Variants in WNT3A observed in about 807,000 individuals in gnomAD.
WNT3A encodes protein Wnt-3a.
In WNT3A, 17 loss-of-function variants were observed where a neutral mutation model predicts 37.0. The observed-to-expected ratio is 0.46, with a 90% confidence interval of 0.31 to 0.69. The LOEUF is 0.69. WNT3A is among the 30% of genes least tolerant of loss of function. WNT3A has a pLI of 0.05. For synonymous variants in WNT3A, 187 were observed against 211.0 expected (o/e 0.89, Z 0.99); for missense variants, 411 against 510.2 (o/e 0.81, Z 1.87).
chr1:228,050,787 G>A lies in WNT3A; in HGVS notation c.445G>A (p.Gly149Ser). ...SSRHQGSPGK[G>S]WKWGGCSEDI... Reference sequence around the variant, plus strand: ...CCGCCACCAGGGCTCACCAGGCAAGGGCTGGAAGTGGGGTGGCTGTAGCGA... The same window carrying A: ...CCGCCACCAGGGCTCACCAGGCAAGAGCTGGAAGTGGGGTGGCTGTAGCGA... Residue 149 changes from glycine to serine, a missense_variant, in exon 3 of 4, where the codon GGC (glycine) becomes AGC (serine). Gly to Ser is a moderately conservative substitution (Grantham distance 56, BLOSUM62 0). Transcript: ENST00000284523. This position sits in a 1 kb window ranked among gnomAD's most constrained non-coding sequence, Gnocchi z 5.0. 6.2e-7 allele frequency: 1 copy of A among 1,614,126 alleles called. No individual in the cohort carries two copies. The highest frequency in any genetic ancestry group is 1.1e-5 in the South Asian group (1 of 91,070).
At chr1:228,027,190 G>C (rs900099108) in intron 2 of WNT3A, among the ~76,000 whole-genome samples, 1 of 152,224 alleles carries the variant, frequency 6.6e-6, no homozygotes, top group African/African-American at 2.4e-5. Flanking sequence ...TGGGCACTTA[G>C]GCTGGTTCCA....
chr1:228,026,568 T>C (rs2030859071), intron 2 of WNT3A, among the ~76,000 whole-genome samples: 1 of 152,240 alleles, frequency 6.6e-6, no homozygotes, highest in Non-Finnish European at 1.5e-5. Flanking sequence ...ACCTAAATAA[T>C]GTACATTGTA....
At chr1:228,051,542 G>C (rs2031555572) in intron 3 of WNT3A, among the ~76,000 whole-genome samples, 1 of 152,260 alleles carries the variant, frequency 6.6e-6, no homozygotes, top group East Asian at 1.9e-4. Context: ...CAGTTCTGGA[G>C]ACTGGGAAGT....
intron 2 of WNT3A, among the ~76,000 whole-genome samples, chr1:228,041,049 CATCT>C (rs1181843839): frequency 3.5e-5 from 4 of 115,904 alleles, no homozygotes; most frequent in Non-Finnish European, 7.2e-5. Flanking sequence ...ATCTATCTAT[CATCT>C]ATCTATCATC....
rs2030742602 is a variant in WNT3A at position 228,022,743 on chromosome 1, C to T, written c.148C>T (p.Pro50Ser). ...GTGTGCCAGCATCCCGGGCCTGGTC[C>T]CCAAGCAGCTCCGCTTCTGCAGGAA... is the stretch of plus-strand genomic sequence containing the variant. Reference protein sequence around the residue: ...ILCASIPGLVPKQLRFCRNYV... With the variant: ...ILCASIPGLVSKQLRFCRNYV... Residue 50 changes from proline (P) to serine (S), a missense_variant, in exon 2 of 4, where the codon CCC (proline) becomes TCC (serine). Pro to Ser is a moderately conservative substitution (Grantham distance 74). Coordinates refer to ENST00000284523, the MANE Select transcript of WNT3A (RefSeq NM_033131.4). 1 of 1,614,084 alleles carries T rather than the reference C, an allele frequency of 6.2e-7. No homozygotes were observed. Among genetic ancestry groups the T allele is most frequent in the Non-Finnish European group, 8.5e-7 (1 of 1,180,052 alleles).
intron 2 of WNT3A, among the ~76,000 whole-genome samples, chr1:228,030,257 G>A (rs1049445688): frequency 2.6e-5 from 4 of 151,712 alleles, no homozygotes; most frequent in Admixed American, 2.6e-4. Context: ...TTAGCCAAGG[G>A]GGGTGGTGGG....
rs933462005 is a variant in WNT3A at position 228,039,518 on chromosome 1, C to T, written c.314-11138C>T. ...TCCTGTTCAGGGTCTTGTCCAGGGTCCCATAGAGCCCTTACAAAGTCATGG... is the reference window on the plus strand; with the variant it reads ...TCCTGTTCAGGGTCTTGTCCAGGGTTCCATAGAGCCCTTACAAAGTCATGG... On this transcript the variant is annotated intron_variant, in intron 2 of 3. Transcript: ENST00000284523. The surrounding 1 kb of genome is among the most constrained non-coding windows in gnomAD (Gnocchi z 4.1). Among the ~76,000 whole-genome samples, 11 of 152,196 alleles carry T rather than the reference C, an allele frequency of 7.2e-5. No homozygotes were observed. The highest frequency in any genetic ancestry group is 1.5e-4 in the Non-Finnish European group (10 of 68,022).
chr1:228,019,984 G>A (rs1013541780), intron 1 of WNT3A, among the ~76,000 whole-genome samples: 50 of 152,242 alleles, frequency 3.3e-4, no homozygotes, highest in African/African-American at 1.2e-3. Context: ...CCAGCACTTT[G>A]GGAGGCCAAG....
At chr1:228,026,633 C>T (rs2030860188) in intron 2 of WNT3A, among the ~76,000 whole-genome samples, 1 of 152,120 alleles carries the variant, frequency 6.6e-6, no homozygotes, top group African/African-American at 2.4e-5. Flanking sequence ...TCTTCTGAGT[C>T]TCCAGTGTCC....
In WNT3A at chr1:228,059,318, C is replaced by T. The variant is rs1466507522; in HGVS notation, c.912C>T (p.Ile304=). Residue 304 remains isoleucine (I), a synonymous_variant, in exon 4 of 4, where the codon ATC becomes ATT. Coordinates refer to ENST00000284523, the MANE Select transcript of WNT3A (RefSeq NM_033131.4). ...CCTGCAACGTCAGCTCGCACGGCAT[C>T]GACGGCTGCGACCTGCTGTGCTGCG... ...DRTCNVSSHG[I]DGCDLLCCGR... The T allele has an allele frequency of 3.2e-6, 5 of 1,574,782 alleles. No homozygotes were observed. The African/African-American group carries it at 5.4e-5, about 17-fold the overall frequency.
At chr1:228,029,604 C>T (rs1266067213) in intron 2 of WNT3A, among the ~76,000 whole-genome samples, 1 of 152,210 alleles carries the variant, frequency 6.6e-6, no homozygotes, top group Non-Finnish European at 1.5e-5. Flanking sequence ...CTCCACAAAT[C>T]TGCTTCCCCG....
intron 1 of WNT3A, among the ~76,000 whole-genome samples, chr1:228,009,186 C>G (rs75837606): frequency 0.054 from 8,149 of 152,128 alleles, 741 homozygotes; most frequent in African/African-American, 0.19. Flanking sequence ...GCAGCCTCCC[C>G]TTGGGGGAGG....
intron 3 of WNT3A, among the ~76,000 whole-genome samples, chr1:228,055,996 C>T (rs1280200102): frequency 1.3e-5 from 2 of 152,296 alleles, no homozygotes; most frequent in East Asian, 3.9e-4. Flanking sequence ...TCCTGATTTC[C>T]TAATGCTAGC....
At chr1:228,017,330 C>A (rs180889538) in intron 1 of WNT3A, among the ~76,000 whole-genome samples, 5 of 152,264 alleles carry the variant, frequency 3.3e-5, no homozygotes, top group African/African-American at 1.2e-4. Flanking sequence ...GGAGAAACAA[C>A]CAGCTTCAGC....
intron 1 of WNT3A, among the ~76,000 whole-genome samples, chr1:228,015,984 G>A (rs1436132045): frequency 3.3e-5 from 5 of 152,116 alleles, no homozygotes; most frequent in Non-Finnish European, 5.9e-5. Flanking sequence ...CAGGAGCCAC[G>A]GACTGACAGC....
chr1:228,053,114 T>C (rs1025873066), intron 3 of WNT3A, among the ~76,000 whole-genome samples: 3 of 152,220 alleles, frequency 2.0e-5, no homozygotes, highest in East Asian at 1.9e-4. Flanking sequence ...CTGGAGGACA[T>C]GGCATTCATT....
At chr1:228,029,388 A>G (rs2030942411) in intron 2 of WNT3A, among the ~76,000 whole-genome samples, 1 of 152,188 alleles carries the variant, frequency 6.6e-6, no homozygotes. Context: ...GGCTCAGCAC[A>G]GTCCTGCCGG....
At chr1:228,032,790 C>T (rs892775426) in intron 2 of WNT3A, among the ~76,000 whole-genome samples, 1 of 152,150 alleles carries the variant, frequency 6.6e-6, no homozygotes, top group South Asian at 2.1e-4. Context: ...TTCCCATCAG[C>T]AGGATCTGAG....
intron 2 of WNT3A, among the ~76,000 whole-genome samples, chr1:228,033,861 C>T (rs934057493): frequency 6.6e-6 from 1 of 152,166 alleles, no homozygotes; most frequent in Non-Finnish European, 1.5e-5. Context: ...AAATCTTGCA[C>T]TTATTTTGTT....
Sources: allele counts gnomAD v4.1 joint callset (sites outside exome capture counted in the v4.1 genomes callset), GRCh38; gene constraint gnomAD v4.1.1; non-coding constraint Gnocchi (gnomAD v3.1); transcripts MANE v1.5; gene names NCBI Gene and HGNC (gene_info 2026-07-23, HGNC 2026-07-21).